The following ERGIC2 variants were observed in gnomAD, a reference collection of about 807,000 sequenced individuals.
ERGIC2 encodes ERGIC and golgi 2.
In ERGIC2, 31 loss-of-function variants were observed where a neutral mutation model predicts 52.5. The ratio of observed to expected loss-of-function variants is 0.59; its 90% CI spans 0.44 to 0.80. ERGIC2 has a LOEUF of 0.80. ERGIC2 is among the 30% of genes least tolerant of loss of function. ERGIC2 has a pLI of 0.00. For missense variants in ERGIC2, 395 were observed against 455.2 expected, an observed-to-expected ratio of 0.87 and a Z score of 1.20; for synonymous variants, 129 against 140.6, an observed-to-expected ratio of 0.92 and a Z score of 0.58.
At chr12:29,380,712 G>A (rs1391397335) in intron 1 of ERGIC2, 1 of 152,272 alleles carries the variant, frequency 6.6e-6, no homozygotes, top group East Asian at 1.9e-4. Context: ...TTGTCTGAAT[G>A]GGGGTAGGGA....
chr12:29,372,999 T>C (rs1216380605), intron 1 of ERGIC2: 3 of 150,782 alleles, frequency 2.0e-5, no homozygotes, highest in Non-Finnish European at 4.4e-5. Context: ...ATTAATGACA[T>C]AAGAAAATAG....
In ERGIC2 at chr12:29,339,125, G is replaced by A. The variant is rs1019389220; in HGVS notation, c.*2031C>T. On this transcript the variant is annotated 3_prime_UTR_variant, in exon 14 of 14. Transcript: ENST00000360150. ...TCTATTTGAGGAGTTTCAGATGGAA[G>A]CCTTTAACTTTTAAAATGGAAATCA... is the stretch of plus-strand genomic sequence containing the variant. The A allele has an allele frequency of 4.6e-5, 7 of 152,086 alleles. No homozygotes were observed. Among genetic ancestry groups the A allele is most frequent in the Non-Finnish European group, 7.4e-5 (5 of 68,020 alleles). The allele number at this position is 152,086 out of a possible 1,614,324, so 9.4% of individuals were successfully genotyped here. A position where few individuals can be genotyped will look rare whatever the true frequency, so the allele number is the denominator to read the frequency against.
chr12:29,357,402 G>A (rs188945975), intron 7 of ERGIC2, among the ~76,000 whole-genome samples: 41 of 152,072 alleles, frequency 2.7e-4, no homozygotes, highest in Admixed American at 9.8e-4. Flanking sequence ...GGTATACCAC[G>A]CATAAAAAAG....
At position 29,337,487 on chromosome 12, in the gene ERGIC2, A is replaced by G. The variant is rs767739042; in HGVS notation, c.*3669T>C. The G allele has an allele frequency of 2.0e-5, 3 of 152,218 alleles. No homozygotes were observed. The highest frequency in any genetic ancestry group is 2.1e-4 in the South Asian group (1 of 4,834). 9.4% of individuals were successfully genotyped at this position (152,218 alleles called of 1,614,324 possible). ...TAAATGTAAAGTGATTTCATCAGTA[A>G]TATTTCAGAAAGTAGAAAAAAACTA... On this transcript the variant is annotated 3_prime_UTR_variant, in exon 14 of 14. Transcript: ENST00000360150.
chr12:29,364,313 G>A (rs1296449224), intron 5 of ERGIC2, among the ~76,000 whole-genome samples: 1 of 152,036 alleles, frequency 6.6e-6, no homozygotes, highest in Non-Finnish European at 1.5e-5. Flanking sequence ...CACACCTGCA[G>A]CCATTTGATC....
intron 1 of ERGIC2, among the ~76,000 whole-genome samples, chr12:29,371,982 A>T (rs180763164): frequency 1.1e-4 from 16 of 152,326 alleles, no homozygotes; most frequent in African/African-American, 3.8e-4. Context: ...TGAAAACTAT[A>T]TAAAAATAAT....
At chr12:29,375,682 A>C (rs1352576038) in intron 1 of ERGIC2, among the ~76,000 whole-genome samples, 1 of 152,172 alleles carries the variant, frequency 6.6e-6, no homozygotes, top group Non-Finnish European at 1.5e-5. Context: ...TTAGTTTTAC[A>C]AATCTCCTAA....
intron 6 of ERGIC2, 23 bp downstream of exon 6, chr12:29,361,622 A>G: frequency 6.3e-7 from 1 of 1,581,148 alleles, no homozygotes; most frequent in East Asian, 2.3e-5. Context: ...TCTATGGACC[A>G]CAATACTTTG....
At chr12:29,351,156 A>T (rs1460277976) in intron 8 of ERGIC2, among the ~76,000 whole-genome samples, 1 of 152,160 alleles carries the variant, frequency 6.6e-6, no homozygotes, top group Non-Finnish European at 1.5e-5. Context: ...GACAAAAAAA[A>T]ACCATGGAAA....
chr12:29,367,620 T>A (rs1940382443), intron 4 of ERGIC2, among the ~76,000 whole-genome samples: 1 of 151,882 alleles, frequency 6.6e-6, no homozygotes, highest in African/African-American at 2.4e-5. Flanking sequence ...TATTTCATAC[T>A]TTTAAAAATG....
intron 5 of ERGIC2, among the ~76,000 whole-genome samples, chr12:29,365,072 G>C (rs1012408690): frequency 6.6e-6 from 1 of 151,756 alleles, no homozygotes; most frequent in Non-Finnish European, 1.5e-5. Context: ...AAAGAACGTA[G>C]AGTATTATTT....
chr12:29,343,531 A>G (rs989800335), intron 11 of ERGIC2, among the ~76,000 whole-genome samples: 13 of 152,212 alleles, frequency 8.5e-5, no homozygotes, highest in African/African-American at 3.1e-4. Flanking sequence ...CAAAAAGGTC[A>G]CCTTAGATAC....
intron 8 of ERGIC2, among the ~76,000 whole-genome samples, chr12:29,352,930 A>G (rs978821405): frequency 1.3e-5 from 2 of 152,104 alleles, no homozygotes; most frequent in Non-Finnish European, 2.9e-5. Context: ...CTTTATCACA[A>G]TCCTGCTTTA....
At chr12:29,347,480 T>C (rs1028429034) in intron 10 of ERGIC2, among the ~76,000 whole-genome samples, 1 of 152,228 alleles carries the variant, frequency 6.6e-6, no homozygotes, top group Non-Finnish European at 1.5e-5. Context: ...CCACAGCCTC[T>C]TCCATGCCCT....
At chr12:29,357,990 G>T (rs1940232529) in intron 6 of ERGIC2, among the ~76,000 whole-genome samples, 1 of 152,030 alleles carries the variant, frequency 6.6e-6, no homozygotes, top group South Asian at 2.1e-4. Context: ...ACCAAAGTAG[G>T]GCTTCTACTC....
Position 29,338,784 on chromosome 12 carries a change from C to G in ERGIC2, c.*2372G>C, listed in dbSNP as rs1475060135. 6.6e-6 allele frequency: 1 copy of G among 152,098 alleles called. No homozygotes were observed. The highest frequency in any genetic ancestry group is 2.4e-5 in the African/African-American group (1 of 41,414). The allele number at this position is 152,098 out of a possible 1,614,324, so 9.4% of individuals were successfully genotyped here. On this transcript the variant is annotated 3_prime_UTR_variant, in exon 14 of 14. Transcript: ENST00000360150. ...CTTTATAGGTCAATGTATGCAAACA[C>G]AGTATTTAAAAATCCATTTCATATA...
At chr12:29,341,353 C>G in intron 13 of ERGIC2, 135 bp from the exon 14 acceptor site, 1 of 705,442 alleles carries the variant, frequency 1.4e-6, no homozygotes, top group South Asian at 1.8e-5. Flanking sequence ...CTCTCTCCCC[C>G]TATTTCTCTA....
In ERGIC2 at chr12:29,340,237, T is replaced by A. The variant is rs1949827708; in HGVS notation, c.*919A>T. On this transcript the variant is annotated 3_prime_UTR_variant, in exon 14 of 14. Transcript: ENST00000360150. ...ACACTTTCATTTAAAGTTACCCTGT[T>A]CTCCACTCACCACATGTATAAAATA... The A allele has an allele frequency of 6.6e-6, 1 of 152,174 alleles. No individual in the cohort carries two copies. The highest frequency in any genetic ancestry group is 2.4e-5 in the African/African-American group (1 of 41,450). The allele number at this position is 152,174 out of a possible 1,614,324, so 9.4% of individuals were successfully genotyped here.
At position 29,359,977 on chromosome 12, in the gene ERGIC2, A is replaced by C. The variant is rs577236744; in HGVS notation, c.374+1668T>G. ...GCACATAGGCAAACATTTTCACAAA[A>C]AAATACAAATAAGGAAAAAAACCTC... On this transcript the variant is annotated intron_variant, in intron 6 of 13. Coordinates refer to ENST00000360150, the MANE Select transcript of ERGIC2 (RefSeq NM_016570.3). 5.9e-5 allele frequency among the ~76,000 whole-genome samples: 9 copies of C among 151,992 alleles called. No individual in the cohort carries two copies. The South Asian group carries it at 1.9e-3, about 32-fold the overall frequency.
Sources: gnomAD v4.1 joint callset for allele counts (sites outside exome capture counted in the v4.1 genomes callset) on GRCh38, gnomAD v4.1.1 for gene constraint, MANE v1.5 for transcripts, NCBI Gene and HGNC (gene_info 2026-07-23, HGNC 2026-07-21) for gene names.